Variants in EHMT1 observed in about 807,000 individuals in gnomAD.
EHMT1 encodes histone-lysine N-methyltransferase EHMT1.
EHMT1 carries 15 observed loss-of-function variants against 147.2 expected under a neutral mutation model. The observed-to-expected ratio is 0.10, with a 90% CI of 0.07 to 0.16. The LOEUF is 0.16. Ranked by LOEUF, EHMT1 falls within the 10% of genes least tolerant of loss-of-function variation. The probability of loss-of-function intolerance (pLI) is 1.00; values close to 1 mark genes in which losing one functional copy is unlikely to be tolerated. For synonymous variants in EHMT1, 795 were observed against 709.6 expected (o/e 1.12, Z -1.91); for missense variants, 1,587 against 1,772.4 (o/e 0.90, Z 1.88).
rs80110310 is a variant in EHMT1 at position 137,714,502 on chromosome 9, C to G, written c.86-2124C>G. Among the ~76,000 whole-genome samples, 427 of 150,646 alleles carry G rather than the reference C, an allele frequency of 2.8e-3. 10 individuals are homozygous for G. The East Asian group carries it at 0.051, about 18-fold the overall frequency. ...TCCACTTGTTCATGGTTTAATCCTC[C>G]TCACCAATTTTGTTTTGTTGTTGGG... On this transcript the variant is annotated intron_variant, in intron 2 of 26. Transcript: ENST00000460843.
intron 1 of EHMT1, among the ~76,000 whole-genome samples, chr9:137,619,437 A>G (rs1371897513): frequency 4.0e-5 from 6 of 151,586 alleles, no homozygotes; most frequent in Non-Finnish European, 7.4e-5. Context: ...CGGAGGACAA[A>G]AGGAAAAGTA....
In EHMT1 at chr9:137,776,458, T is replaced by C. The variant is rs754086869; in HGVS notation, c.1792-160T>C. 6.0e-6 allele frequency: 4 copies of C among 672,070 alleles called. No individual in the cohort carries two copies. The highest frequency in any genetic ancestry group is 3.6e-5 in the African/African-American group (2 of 55,758). 41.6% of individuals were successfully genotyped at this position (672,070 alleles called of 1,614,324 possible). A position where few individuals can be genotyped will look rare whatever the true frequency, so the allele number is the denominator to read the frequency against. On this transcript the variant is annotated intron_variant, in intron 11 of 26. Transcript: ENST00000460843. The surrounding 1 kb of genome is among the most constrained non-coding windows in gnomAD (Gnocchi z 4.4). ...CACCACGGGAAGCATCGTTCCTCCT[T>C]CTTAACGATGCCTGGGGCCAAGACT...
intron 8 of EHMT1, among the ~76,000 whole-genome samples, chr9:137,756,564 GCC>G (rs1235585521): frequency 6.6e-6 from 1 of 152,138 alleles, no homozygotes; most frequent in Non-Finnish European, 1.5e-5. Flanking sequence ...GGACGTGTGA[GCC>G]CCCCGGGAGC....
chr9:137,829,691 G>A (rs1052309010), intron 25 of EHMT1, among the ~76,000 whole-genome samples: 2 of 152,386 alleles, frequency 1.3e-5, no homozygotes, highest in African/African-American at 4.8e-5. Context: ...GCCTATGGGG[G>A]AGACTGGCCA....
At chr9:137,675,400 C>G (rs1358482722) in intron 1 of EHMT1, among the ~76,000 whole-genome samples, 1 of 147,100 alleles carries the variant, frequency 6.8e-6, no homozygotes, top group African/African-American at 2.4e-5. Flanking sequence ...AATTTGGTGA[C>G]CAATAGGGGG....
chr9:137,781,069 CGGGATGTGTGGTGATGACGCT>C (rs1564748182), intron 14 of EHMT1, among the ~76,000 whole-genome samples: 1 of 55,806 alleles, frequency 1.8e-5, no homozygotes, highest in Non-Finnish European at 3.3e-5. Context: ...GTGATGACGC[CGGGATGTGTGGTGATGACGCT>C]GGGATGTGTG....
intron 8 of EHMT1, among the ~76,000 whole-genome samples, chr9:137,757,101 G>T (rs1949433759): frequency 6.6e-6 from 1 of 152,234 alleles, no homozygotes; most frequent in African/African-American, 2.4e-5. Context: ...GGCCTCCTCA[G>T]TGAATGCCCT....
At position 137,787,984 on chromosome 9, in the gene EHMT1, A is replaced by AG; in HGVS notation, c.2383-2862dup. The AG allele has an allele frequency of 8.2e-6, 12 of 1,471,268 alleles. No individual in the cohort carries two copies. Among genetic ancestry groups the AG allele is most frequent in the Non-Finnish European group, 1.1e-5 (12 of 1,059,416 alleles). The allele number at this position is 1,471,268 out of a possible 1,614,324, so 91.1% of individuals were successfully genotyped here. ...CCACTGGACAGCCCCCCAGGAACTG[A>AG]GGTGCCCTGCAGTAAGTGGAGAGGC... On this transcript the variant is annotated intron_variant, in intron 15 of 26. Transcript: ENST00000460843. The surrounding 1 kb of genome is among the most constrained non-coding windows in gnomAD (Gnocchi z 4.2).
chr9:137,818,484 C>T (rs942103853), intron 25 of EHMT1, among the ~76,000 whole-genome samples: 4 of 152,090 alleles, frequency 2.6e-5, no homozygotes, highest in African/African-American at 7.3e-5. Context: ...GAAGGACGGG[C>T]GCCGTGTACC....
In EHMT1 at chr9:137,817,403, T is replaced by TGTGGCC. The variant is rs768529175; in HGVS notation, c.3375-35_3375-30dup. 2.5e-6 allele frequency: 4 copies of TGTGGCC among 1,612,358 alleles called. No individual in the cohort carries two copies. In the African/African-American group the frequency reaches 5.3e-5, roughly 22 times the overall value. On this transcript the variant is annotated intron_variant, in intron 23 of 26. Coordinates refer to ENST00000460843, the MANE Select transcript of EHMT1 (RefSeq NM_024757.5). ...GACCATTGTGGCAACAGGCTGAGGC[T>TGTGGCC]GTGGCCTGGGTTCACCACTACTCTC...
intron 1 of EHMT1, among the ~76,000 whole-genome samples, chr9:137,703,289 C>T (rs900215870): frequency 1.3e-5 from 2 of 152,226 alleles, no homozygotes; most frequent in Non-Finnish European, 2.9e-5. Flanking sequence ...TTCAGCTCCT[C>T]ATGCAAATTT....
At chr9:137,749,557 C>T (rs1192212644) in intron 6 of EHMT1, among the ~76,000 whole-genome samples, 2 of 152,130 alleles carry the variant, frequency 1.3e-5, no homozygotes, top group East Asian at 3.9e-4. Flanking sequence ...GCCTTGGCTT[C>T]CCAAAGTGCT....
At position 137,716,531 on chromosome 9, in the gene EHMT1, T is replaced by G. The variant is rs150227370; in HGVS notation, c.86-95T>G. On this transcript the variant is annotated intron_variant, in intron 2 of 26. Coordinates refer to ENST00000460843, the MANE Select transcript of EHMT1 (RefSeq NM_024757.5). ...GTGGTGTCATGGTGGGGGAGGAAGT[T>G]GTGGTGGTGTCATGGTGGGGGAGGA... 2.1e-3 allele frequency: 1,908 copies of G among 929,186 alleles called. 5 individuals are homozygous for G. The highest frequency in any genetic ancestry group is 7.1e-3 in the South Asian group (314 of 44,264). 57.6% of individuals were successfully genotyped at this position (929,186 alleles called of 1,614,324 possible).
chr9:137,652,952 T>C (rs1437533323), intron 1 of EHMT1, among the ~76,000 whole-genome samples: 1 of 151,852 alleles, frequency 6.6e-6, no homozygotes, highest in African/African-American at 2.4e-5. Context: ...GGTCTTGAAC[T>C]CCTGACCTCA....
chr9:137,699,797 T>G (rs1397586881), intron 1 of EHMT1, among the ~76,000 whole-genome samples: 1 of 151,984 alleles, frequency 6.6e-6, no homozygotes, highest in Admixed American at 6.6e-5. Context: ...TGCAGTGAGC[T>G]GTGGTTGCAC....
chr9:137,818,706 A>AGGGG (rs1955158935), intron 25 of EHMT1, among the ~76,000 whole-genome samples: 1 of 16,394 alleles, frequency 6.1e-5, no homozygotes. Flanking sequence ...AGGCCGACTG[A>AGGGG]GGGGCGCCGT....
At chr9:137,710,387 C>T (rs145883202) in intron 1 of EHMT1, among the ~76,000 whole-genome samples, 78 of 152,272 alleles carry the variant, frequency 5.1e-4, no homozygotes, top group East Asian at 4.1e-3. Flanking sequence ...GCCTGAGAAT[C>T]GCTTGAACTG....
chr9:137,706,226 T>G (rs1175092609), intron 1 of EHMT1, among the ~76,000 whole-genome samples: 1 of 152,188 alleles, frequency 6.6e-6, no homozygotes, highest in Non-Finnish European at 1.5e-5. Context: ...GAAATGCAGA[T>G]GATTTTTTTG....
At chr9:137,790,474 G>A (rs1359248235) in intron 15 of EHMT1, among the ~76,000 whole-genome samples, 2 of 152,182 alleles carry the variant, frequency 1.3e-5, no homozygotes, top group African/African-American at 4.8e-5. Context: ...TGGCCTGGCA[G>A]GGTGAACCGG....
Sources: allele counts gnomAD v4.1 joint callset (sites outside exome capture counted in the v4.1 genomes callset), GRCh38; gene constraint gnomAD v4.1.1; non-coding constraint Gnocchi (gnomAD v3.1); transcripts MANE v1.5; gene names NCBI Gene and HGNC (gene_info 2026-07-23, HGNC 2026-07-21).